Variants in NEGR1 observed in about 807,000 individuals in gnomAD.
NEGR1 encodes the protein neuronal growth regulator 1.
A neutral mutation model predicts 40.9 loss-of-function variants in NEGR1; 10 were observed. The observed-to-expected ratio is 0.24, with a 90% confidence interval of 0.15 to 0.42. The LOEUF (loss-of-function observed/expected upper bound fraction) is 0.42. Among genes scored for constraint, NEGR1 ranks in the 10% least tolerant of loss-of-function variants. The pLI, the probability that NEGR1 is intolerant of heterozygous loss-of-function variation, is 1.00. For synonymous variants in NEGR1, 185 were observed against 166.8 expected, an observed-to-expected ratio of 1.11 and a Z score of -0.84; for missense variants, 352 against 438.9, an observed-to-expected ratio of 0.80 and a Z score of 1.77.
intron 3 of NEGR1, among the ~76,000 whole-genome samples, chr1:71,756,524 G>C (rs563385025): frequency 1.5e-4 from 22 of 151,442 alleles, no homozygotes; most frequent in East Asian, 1.9e-4. Flanking sequence ...ATTATTTCTT[G>C]TCATGTCACA....
intron 1 of NEGR1, among the ~76,000 whole-genome samples, chr1:72,111,722 C>T (rs1252689260): frequency 6.6e-6 from 1 of 151,582 alleles, no homozygotes; most frequent in Non-Finnish European, 1.5e-5. Context: ...GTCATGGAAA[C>T]GTTTTGTTCC....
chr1:72,241,365 A>ACAGC (rs1654737750), intron 1 of NEGR1, among the ~76,000 whole-genome samples: 1 of 118,142 alleles, frequency 8.5e-6, no homozygotes, highest in Non-Finnish European at 1.9e-5. Context: ...CCTGTCCACT[A>ACAGC]TAGTTGCTAA....
chr1:72,187,041 T>A (rs918505722), intron 1 of NEGR1, among the ~76,000 whole-genome samples: 15 of 151,702 alleles, frequency 9.9e-5, no homozygotes, highest in African/African-American at 3.6e-4. Flanking sequence ...AGACAATCTT[T>A]TAGGATGTCA....
At chr1:72,027,570 A>G (rs1215975159) in intron 1 of NEGR1, among the ~76,000 whole-genome samples, 1 of 152,070 alleles carries the variant, frequency 6.6e-6, no homozygotes, top group Non-Finnish European at 1.5e-5. Context: ...TATATAAAAA[A>G]TATTAAATCT....
At chr1:71,943,865 G>T (rs961711816) in intron 1 of NEGR1, among the ~76,000 whole-genome samples, 17 of 151,994 alleles carry the variant, frequency 1.1e-4, no homozygotes, top group African/African-American at 3.6e-4. Context: ...AAGTAGATAG[G>T]TCTTATCATC....
chr1:71,805,901 T>G (rs1009000645), intron 2 of NEGR1, among the ~76,000 whole-genome samples: 1 of 152,194 alleles, frequency 6.6e-6, no homozygotes, highest in Non-Finnish European at 1.5e-5. Flanking sequence ...GTTCTCATTA[T>G]CCAAATAAAA....
chr1:72,138,757 A>C (rs971914332), intron 1 of NEGR1, among the ~76,000 whole-genome samples: 3 of 152,030 alleles, frequency 2.0e-5, no homozygotes, highest in Admixed American at 2.0e-4. Context: ...ATAAAGAGGA[A>C]AATTCACAAT....
intron 3 of NEGR1, among the ~76,000 whole-genome samples, chr1:71,704,888 G>C (rs1365534987): frequency 1.3e-5 from 2 of 151,416 alleles, no homozygotes; most frequent in Non-Finnish European, 2.9e-5. Flanking sequence ...CCAATCTAGG[G>C]ATATATTAAT....
intron 3 of NEGR1, among the ~76,000 whole-genome samples, chr1:71,769,468 C>T (rs1162968157): frequency 6.6e-6 from 1 of 152,068 alleles, no homozygotes; most frequent in Admixed American, 6.5e-5. Flanking sequence ...TCCCATAATC[C>T]CCATGTGTTG....
At chr1:72,168,688 G>A (rs1437538609) in intron 1 of NEGR1, among the ~76,000 whole-genome samples, 4 of 152,030 alleles carry the variant, frequency 2.6e-5, no homozygotes, top group East Asian at 1.9e-4. Context: ...CCAGGTGTTC[G>A]AGACAAGCCT....
intron 1 of NEGR1, among the ~76,000 whole-genome samples, chr1:72,249,847 A>G (rs1285861601): frequency 1.3e-5 from 2 of 152,308 alleles, no homozygotes; most frequent in African/African-American, 2.4e-5. Context: ...CAACGAATAT[A>G]AAGCAACTAT....
intron 2 of NEGR1, among the ~76,000 whole-genome samples, chr1:71,896,737 G>A (rs1412912714): frequency 2.6e-5 from 4 of 152,056 alleles, no homozygotes; most frequent in African/African-American, 7.2e-5. Flanking sequence ...CATGATGTAG[G>A]GGTCTGATTT....
At chr1:71,424,344 AT>A (rs1400207581) in intron 6 of NEGR1, among the ~76,000 whole-genome samples, 1 of 152,154 alleles carries the variant, frequency 6.6e-6, no homozygotes, top group Non-Finnish European at 1.5e-5. Flanking sequence ...ACATTTGTGG[AT>A]TCATTTAATA....
intron 1 of NEGR1, among the ~76,000 whole-genome samples, chr1:72,114,252 A>G (rs1028305991): frequency 2.6e-5 from 4 of 151,464 alleles, no homozygotes; most frequent in African/African-American, 9.7e-5. Context: ...ACCTCATTCA[A>G]TGGGTTAAAG....
chr1:71,695,174 C>T lies in NEGR1; in HGVS notation c.667+2834G>A, dbSNP rs189614640. ...CAAGAAACTTTTTCAGACATACTCA[C>T]AATCACATCCCTTCACACCTGAGAT... On this transcript the variant is annotated intron_variant, in intron 4 of 6. Transcript: ENST00000357731. Among the ~76,000 whole-genome samples, 349 of 151,922 alleles carry T rather than the reference C, an allele frequency of 2.3e-3. 3 individuals carry two copies. Among genetic ancestry groups the T allele is most frequent in the South Asian group, 7.0e-3 (34 of 4,826 alleles).
chr1:72,125,759 A>G (rs573066916), intron 1 of NEGR1, among the ~76,000 whole-genome samples: 1 of 152,310 alleles, frequency 6.6e-6, no homozygotes, highest in African/African-American at 2.4e-5. Flanking sequence ...AAAATAAAAA[A>G]ATAGATTTTT....
At chr1:71,819,339 A>C (rs1658341569) in intron 2 of NEGR1, among the ~76,000 whole-genome samples, 1 of 152,014 alleles carries the variant, frequency 6.6e-6, no homozygotes, top group Admixed American at 6.6e-5. Flanking sequence ...CTATGATTGC[A>C]TAGAAAGAAA....
chr1:71,677,416 T>C (rs1652680679), intron 4 of NEGR1, among the ~76,000 whole-genome samples: 2 of 152,202 alleles, frequency 1.3e-5, no homozygotes, highest in South Asian at 4.1e-4. Context: ...ATTAAATTAA[T>C]GATATTGAAC....
At chr1:71,742,851 C>T (rs572608594) in intron 3 of NEGR1, among the ~76,000 whole-genome samples, 5 of 152,232 alleles carry the variant, frequency 3.3e-5, no homozygotes, top group Non-Finnish European at 5.9e-5. Context: ...TGTGGGAGGT[C>T]AGAGGCCAGA....
Sources: gnomAD v4.1 joint callset for allele counts (sites outside exome capture counted in the v4.1 genomes callset) on GRCh38, gnomAD v4.1.1 for gene constraint, MANE v1.5 for transcripts, NCBI Gene and HGNC (gene_info 2026-07-23, HGNC 2026-07-21) for gene names.